Variants in DPYD observed in about 807,000 individuals in gnomAD.
DPYD encodes dihydropyrimidine dehydrogenase.
A neutral mutation model predicts 116.2 loss-of-function variants in DPYD; 109 were observed. That is an observed-to-expected ratio of 0.94 (90% confidence interval 0.80 to 1.10). The LOEUF (loss-of-function observed/expected upper bound fraction) is 1.10, where lower values mean the gene tolerates loss of function less well. Ranked by LOEUF, DPYD falls within the 50% of genes least tolerant of loss-of-function variation. The pLI, the probability that DPYD is intolerant of heterozygous loss-of-function variation, is 0.00. For missense variants in DPYD, 1,302 were observed against 1,254.5 expected, an observed-to-expected ratio of 1.04 and a Z score of -0.57; for synonymous variants, 440 against 432.0, an observed-to-expected ratio of 1.02 and a Z score of -0.23.
At chr1:97,880,354 CTACTT>C (rs1672144505) in intron 2 of DPYD, among the ~76,000 whole-genome samples, 1 of 151,696 alleles carries the variant, frequency 6.6e-6, no homozygotes, top group South Asian at 2.1e-4. Context: ...TTCCAGCATC[CTACTT>C]GGGTCTTTAT....
Position 97,759,283 on chromosome 1 carries a change from G to A in DPYD, c.234-18804C>T, listed in dbSNP as rs139679820. Among the ~76,000 whole-genome samples, 1,299 of 152,178 alleles carry A rather than the reference G, an allele frequency of 8.5e-3. 18 individuals carry two copies. The highest frequency in any genetic ancestry group is 0.029 in the African/African-American group (1,195 of 41,524). ...CAAGGCATTTGTTGACTAATCATTA[G>A]GTCAGATTTCTTATTCCTCTTGTCC... On this transcript the variant is annotated intron_variant, in intron 3 of 22. Coordinates refer to ENST00000370192, the MANE Select transcript of DPYD (RefSeq NM_000110.4).
intron 13 of DPYD, among the ~76,000 whole-genome samples, chr1:97,459,438 C>A (rs1292849252): frequency 6.6e-6 from 1 of 151,868 alleles, no homozygotes; most frequent in Admixed American, 6.6e-5. Context: ...TTCCAGACAA[C>A]AACAAACTGA....
At chr1:97,879,039 A>C (rs1672052213) in intron 2 of DPYD, among the ~76,000 whole-genome samples, 1 of 152,012 alleles carries the variant, frequency 6.6e-6, no homozygotes, top group African/African-American at 2.4e-5. Flanking sequence ...CTTATTCAAA[A>C]AAATTCTACT....
At chr1:97,381,919 T>C (rs1671995001) in intron 15 of DPYD, among the ~76,000 whole-genome samples, 1 of 152,224 alleles carries the variant, frequency 6.6e-6, no homozygotes, top group Admixed American at 6.5e-5. Flanking sequence ...TCCCGCTCTT[T>C]TATGCATGTC....
chr1:97,843,777 T>C (rs913658285), intron 2 of DPYD, among the ~76,000 whole-genome samples: 3 of 152,194 alleles, frequency 2.0e-5, no homozygotes, highest in Non-Finnish European at 4.4e-5. Flanking sequence ...ACAATACTTT[T>C]AGAGTTTATT....
chr1:97,157,283 T>C (rs828063), intron 20 of DPYD, among the ~76,000 whole-genome samples: 216 of 148,870 alleles, frequency 1.5e-3, no homozygotes, highest in Non-Finnish European at 1.8e-3. Flanking sequence ...AAAATAAAAT[T>C]AAAAAAACCC....
intron 8 of DPYD, among the ~76,000 whole-genome samples, chr1:97,620,889 C>T (rs972823873): frequency 9.9e-5 from 15 of 152,036 alleles, no homozygotes; most frequent in African/African-American, 3.4e-4. Context: ...TTTAACAATT[C>T]GATAATTAGA....
intron 8 of DPYD, among the ~76,000 whole-genome samples, chr1:97,628,017 T>C (rs187760705): frequency 8.1e-4 from 123 of 152,106 alleles, no homozygotes; most frequent in Non-Finnish European, 1.4e-3. Context: ...AAGATAATGA[T>C]AGTAGGAATG....
intron 8 of DPYD, among the ~76,000 whole-genome samples, chr1:97,644,530 G>C (rs1483408121): frequency 6.6e-6 from 1 of 152,018 alleles, no homozygotes; most frequent in Admixed American, 6.6e-5. Context: ...TTGGATTCCA[G>C]AGATTCTCCT....
intron 12 of DPYD, chr1:97,546,136 A>G (rs928107844): frequency 2.1e-6 from 3 of 1,412,108 alleles, no homozygotes; most frequent in Non-Finnish European, 3.0e-6. Context: ...TTTGAAAAGG[A>G]GCAGTCCTTC....
chr1:97,078,871 A>G lies in DPYD; in HGVS notation c.*105T>C, dbSNP rs184161277. ...TTACATATTTTTATTTAGAAAATGT[A>G]TATTTGTTTTAATTTGGAAAGAGCT... On this transcript the variant is annotated 3_prime_UTR_variant, in exon 23 of 23. Coordinates refer to ENST00000370192, the MANE Select transcript of DPYD (RefSeq NM_000110.4). 6 of 1,301,204 alleles carry G rather than the reference A, an allele frequency of 4.6e-6. No individual in the cohort carries two copies. The highest frequency in any genetic ancestry group is 2.3e-5 in the East Asian group (1 of 42,810). The allele number at this position is 1,301,204 out of a possible 1,614,324, so 80.6% of individuals were successfully genotyped here. A position where few individuals can be genotyped will look rare whatever the true frequency, so the allele number is the denominator to read the frequency against.
At chr1:97,765,241 G>C (rs1207941996) in intron 3 of DPYD, among the ~76,000 whole-genome samples, 8 of 152,142 alleles carry the variant, frequency 5.3e-5, no homozygotes, top group African/African-American at 1.9e-4. Context: ...TAGAGTTTTG[G>C]GGAAGGAAAT....
chr1:97,197,770 C>G (rs1371805684), intron 19 of DPYD, among the ~76,000 whole-genome samples: 3 of 152,124 alleles, frequency 2.0e-5, no homozygotes, highest in African/African-American at 7.2e-5. Context: ...GTTGGTGTTT[C>G]ACATAATTGG....
At chr1:97,573,529 T>C (rs540607582) in intron 11 of DPYD, among the ~76,000 whole-genome samples, 1 of 152,298 alleles carries the variant, frequency 6.6e-6, no homozygotes, top group African/African-American at 2.4e-5. Flanking sequence ...GTTTTGGTTA[T>C]AAGCTTAAAA....
chr1:97,900,482 T>G (rs1571555081), intron 1 of DPYD, among the ~76,000 whole-genome samples: 1 of 151,866 alleles, frequency 6.6e-6, no homozygotes, highest in East Asian at 1.9e-4. Flanking sequence ...ATAAAAGCAT[T>G]TGGCTTATGT....
chr1:97,173,224 A>G lies in DPYD; in HGVS notation c.2622+19845T>C, dbSNP rs566751844. 3.2e-3 allele frequency among the ~76,000 whole-genome samples: 329 copies of G among 102,668 alleles called. 1 individual carries two copies. Among genetic ancestry groups the G allele is most frequent in the African/African-American group, 0.011 (313 of 29,788 alleles). 67.4% of individuals were successfully genotyped at this position (102,668 alleles called of 152,430 possible). ...TGTGTACATATATACACATATACGT[A>G]CATATATGCGCACACATATATGTAC... is the stretch of plus-strand genomic sequence containing the variant. On this transcript the variant is annotated intron_variant, in intron 20 of 22. Transcript: ENST00000370192.
rs550295493 is a variant in DPYD at position 97,212,711 on chromosome 1, CCA to C, written c.2443-19465_2443-19464del. Among the ~76,000 whole-genome samples, 148 of 152,204 alleles carry C rather than the reference CCA, an allele frequency of 9.7e-4. 1 individual carries two copies. The highest frequency in any genetic ancestry group is 3.5e-3 in the African/African-American group (144 of 41,544). ...GCAATGTGTGAGGATTCCAGTTTCTCCACATCCTCACCGTCATTAAGTATTAT... is the reference window on the plus strand; with the variant it reads ...GCAATGTGTGAGGATTCCAGTTTCTCCATCCTCACCGTCATTAAGTATTAT... On this transcript the variant is annotated intron_variant, in intron 19 of 22. Transcript: ENST00000370192.
At chr1:97,110,479 T>A (rs150213135) in intron 20 of DPYD, among the ~76,000 whole-genome samples, 26 of 152,252 alleles carry the variant, frequency 1.7e-4, no homozygotes, top group African/African-American at 6.3e-4. Context: ...GTCATTTTTA[T>A]CTTTGACTAT....
rs914898709 is a variant in DPYD at position 97,822,394 on chromosome 1, TAATA to T, written c.233+5716_233+5719del. Among the ~76,000 whole-genome samples, 12 of 147,994 alleles carry T rather than the reference TAATA, an allele frequency of 8.1e-5. No individual in the cohort carries two copies. The East Asian group carries it at 1.8e-3, about 22-fold the overall frequency. On this transcript the variant is annotated intron_variant, in intron 3 of 22. Transcript: ENST00000370192. ...AAAATTCTAAATATGAATATATAAA[TAATA>T]TATATTTATATGTAATATATACATT... is the stretch of plus-strand genomic sequence containing the variant.
Sources: allele counts gnomAD v4.1 joint callset (sites outside exome capture counted in the v4.1 genomes callset), GRCh38; gene constraint gnomAD v4.1.1; transcripts MANE v1.5; gene names NCBI Gene and HGNC (gene_info 2026-07-23, HGNC 2026-07-21).